ADGRG2: variants seen among roughly 807,000 people sequenced by gnomAD.
ADGRG2 encodes adhesion G protein-coupled receptor G2.
In ADGRG2, 26 loss-of-function variants were observed where a neutral mutation model predicts 74.1. The ratio of observed to expected loss-of-function variants is 0.35; its 90% CI spans 0.26 to 0.49. The LOEUF is 0.49. ADGRG2 is among the 20% of genes least tolerant of loss of function. The probability of loss-of-function intolerance (pLI) is 0.99; values close to 1 mark genes in which losing one functional copy is unlikely to be tolerated. For missense variants in ADGRG2, 619 were observed against 763.1 expected (o/e 0.81, Z 2.22); for synonymous variants, 296 against 295.2 (o/e 1.00, Z -0.03).
intron 1 of ADGRG2, among the ~76,000 whole-genome samples, chrX:19,110,417 T>C (rs2062389749): frequency 9.0e-6 from 1 of 110,965 alleles, no homozygotes; most frequent in Non-Finnish European, 1.9e-5. Flanking sequence ...GCGCGGTGGC[T>C]CATGCCTGTA....
intron 21 of ADGRG2, 52 bp from the exon 22 acceptor site, chrX:19,006,157 T>G: frequency 9.1e-7 from 1 of 1,102,069 alleles, no homozygotes; most frequent in Non-Finnish European, 1.3e-6. Flanking sequence ...ACAGCACCAG[T>G]GACTTCACAC....
At position 19,007,004 on chromosome X, in the gene ADGRG2, G is replaced by A. The variant is rs373926594; in HGVS notation, c.1689+231C>T. ...ACTCCTGAGCTCAGACAATCTGCCC[G>A]CCTCAGCCTCTCAAAGTGCTGGGAT... On this transcript the variant is annotated intron_variant, in intron 20 of 28. Transcript: ENST00000379869. Among the ~76,000 whole-genome samples the A allele has an allele frequency of 9.9e-5, 11 of 110,718 alleles. No individual in the cohort carries two copies. The East Asian group carries it at 2.0e-3, about 20-fold the overall frequency.
intron 15 of ADGRG2, among the ~76,000 whole-genome samples, chrX:19,014,573 G>A (rs1481704223): frequency 8.9e-6 from 1 of 112,071 alleles, no homozygotes; most frequent in Non-Finnish European, 1.9e-5. Context: ...GTCTACAGCA[G>A]CTGTGTCTTC....
intron 3 of ADGRG2, among the ~76,000 whole-genome samples, chrX:19,066,081 C>G (rs2061563868): frequency 8.9e-6 from 1 of 112,239 alleles, no homozygotes; most frequent in Non-Finnish European, 1.9e-5. Flanking sequence ...CTCCTGACCT[C>G]AGGTGATCCA....
At chrX:19,058,700 C>T (rs1227208055) in intron 3 of ADGRG2, among the ~76,000 whole-genome samples, 2 of 112,229 alleles carry the variant, frequency 1.8e-5, no homozygotes, top group African/African-American at 6.5e-5. Flanking sequence ...ACACTGGACA[C>T]GGATGTTAAA....
At chrX:19,028,887 G>A (rs1161602967) in intron 9 of ADGRG2, among the ~76,000 whole-genome samples, 1 of 111,775 alleles carries the variant, frequency 8.9e-6, no homozygotes, top group Non-Finnish European at 1.9e-5. Flanking sequence ...AATATTTGAG[G>A]GTTTGCAGGC....
chrX:19,007,373 G>A lies in ADGRG2; in HGVS notation c.1567-16C>T, dbSNP rs188206382. 29 of 1,197,956 alleles carry A rather than the reference G, an allele frequency of 2.4e-5. No homozygotes were observed. In the African/African-American group the frequency reaches 4.0e-4, roughly 17 times the overall value. Reference sequence around the variant, plus strand: ...GGGAAGGATCCTGGCACATCAAGATGGCAAGGGTAAATGAGATATTGTCAG... The same window carrying A: ...GGGAAGGATCCTGGCACATCAAGATAGCAAGGGTAAATGAGATATTGTCAG... On this transcript the variant is annotated splice_polypyrimidine_tract_variant and intron_variant, in intron 19 of 28. Transcript: ENST00000379869.
chrX:19,006,321 AGCAAAACTGAAAGGTATTTGAAAAG>A, intron 20 of ADGRG2, 56 bp from the exon 21 acceptor site: 2 of 765,586 alleles, frequency 2.6e-6, no homozygotes, highest in Non-Finnish European at 3.9e-6. Flanking sequence ...AAAAAAAAAA[AGCAAAACTGAAAGGTATTTGAAAAG>A]AAAAAAAACT....
chrX:19,120,873 ATT>A (rs1209479404), intron 1 of ADGRG2, among the ~76,000 whole-genome samples: 2 of 112,253 alleles, frequency 1.8e-5, no homozygotes, highest in African/African-American at 6.5e-5. Context: ...CCCAAAATAT[ATT>A]TCTTTGACAT....
intron 15 of ADGRG2, among the ~76,000 whole-genome samples, chrX:19,018,624 A>C (rs1207252137): frequency 9.0e-6 from 1 of 111,655 alleles, no homozygotes; most frequent in Non-Finnish European, 1.9e-5. Context: ...AACATCCAGA[A>C]TTAGACCCAA....
intron 8 of ADGRG2, chrX:19,032,941 T>G (rs1202076344): frequency 1.8e-5 from 2 of 112,076 alleles, no homozygotes; most frequent in Non-Finnish European, 3.8e-5. Flanking sequence ...TAAAAAGAAT[T>G]TGGCCAGGTG....
intron 6 of ADGRG2, 54 bp from the exon 7 acceptor site, chrX:19,036,031 T>C (rs2060933210): frequency 1.7e-6 from 1 of 589,476 alleles, no homozygotes; most frequent in Non-Finnish European, 2.7e-6. Context: ...TACAAACATG[T>C]GTGTCTTCCT....
chrX:19,010,786 A>G lies in ADGRG2; in HGVS notation c.1100-8T>C. On this transcript the variant is annotated splice_region_variant and splice_polypyrimidine_tract_variant and intron_variant, in intron 16 of 28. Transcript: ENST00000379869. ...TGCTGGTGTTGACGATGTCTATATC[A>G]AAGAGCCAAATCGTGTTATGAACAC... The G allele has an allele frequency of 4.3e-6, 5 of 1,173,172 alleles. No homozygotes were observed. Among genetic ancestry groups the G allele is most frequent in the Non-Finnish European group, 5.8e-6 (5 of 867,299 alleles).
chrX:19,088,279 AG>A (rs1231611157), intron 1 of ADGRG2, among the ~76,000 whole-genome samples: 2 of 112,104 alleles, frequency 1.8e-5, no homozygotes, highest in African/African-American at 6.5e-5. Context: ...AGTTCACCAG[AG>A]TGAGCTTTCT....
intron 14 of ADGRG2, among the ~76,000 whole-genome samples, chrX:19,020,049 G>C (rs186273818): frequency 9.0e-6 from 1 of 111,641 alleles, no homozygotes; most frequent in East Asian, 2.8e-4. Flanking sequence ...TAGAAACAGA[G>C]AGTGAAATGC....
intron 4 of ADGRG2, chrX:19,039,316 G>A: frequency 3.0e-6 from 1 of 331,189 alleles, no homozygotes; most frequent in Non-Finnish European, 5.9e-6. Flanking sequence ...GCAAGACTGA[G>A]AGGAGAACGA....
intron 1 of ADGRG2, among the ~76,000 whole-genome samples, chrX:19,110,349 T>C (rs113512848): frequency 9.1e-6 from 1 of 110,467 alleles, no homozygotes; most frequent in Non-Finnish European, 1.9e-5. Context: ...AGAGGAGATA[T>C]TTAAACTGAG....
chrX:19,006,329 T>C, intron 20 of ADGRG2, 64 bp from the exon 21 acceptor site: 1 of 741,215 alleles, frequency 1.3e-6, no homozygotes, highest in Non-Finnish European at 2.0e-6. Flanking sequence ...AAAGCAAAAC[T>C]GAAAGGTATT....
chrX:19,052,162 A>T (rs2061334434), intron 3 of ADGRG2, among the ~76,000 whole-genome samples: 1 of 111,776 alleles, frequency 8.9e-6, no homozygotes, highest in African/African-American at 3.3e-5. Flanking sequence ...CTGAACTCAG[A>T]CTCAGACTTG....
Sources: allele counts gnomAD v4.1 joint callset (sites outside exome capture counted in the v4.1 genomes callset), GRCh38; gene constraint gnomAD v4.1.1; transcripts MANE v1.5; gene names NCBI Gene and HGNC (gene_info 2026-07-23, HGNC 2026-07-21).